IL1RAPL2: variants seen among roughly 807,000 people sequenced by gnomAD.
The protein encoded by IL1RAPL2 is X-linked interleukin-1 receptor accessory protein-like 2.
Under a neutral mutation model 44.1 loss-of-function variants are expected in IL1RAPL2, and 3 were observed. The ratio of observed to expected loss-of-function variants is 0.07; its 90% CI spans 0.03 to 0.18. The LOEUF is 0.18. Ranked by LOEUF, IL1RAPL2 falls within the 10% of genes least tolerant of loss-of-function variation. IL1RAPL2 has a pLI of 1.00. For missense variants in IL1RAPL2, 391 were observed against 496.4 expected, an observed-to-expected ratio of 0.79 and a Z score of 2.02; for synonymous variants, 181 against 178.8, an observed-to-expected ratio of 1.01 and a Z score of -0.10.
At chrX:105,365,666 T>C (rs977982983) in intron 5 of IL1RAPL2, among the ~76,000 whole-genome samples, 2 of 111,864 alleles carry the variant, frequency 1.8e-5, no homozygotes, top group African/African-American at 6.5e-5. Context: ...TCTTTTTAGG[T>C]TATCTAATTT....
chrX:105,232,385 T>G (rs2034078848), intron 3 of IL1RAPL2, among the ~76,000 whole-genome samples: 1 of 112,368 alleles, frequency 8.9e-6, no homozygotes, highest in Admixed American at 9.4e-5. Flanking sequence ...TAATCCCATC[T>G]GTTAGGATTG....
At chrX:104,575,276 GAACA>G (rs555592350) in intron 1 of IL1RAPL2, among the ~76,000 whole-genome samples, 26 of 110,642 alleles carry the variant, frequency 2.3e-4, no homozygotes, top group African/African-American at 3.9e-4. Flanking sequence ...AGATAAATTG[GAACA>G]AACAAACAAT....
chrX:105,008,145 G>A (rs1602885701), intron 2 of IL1RAPL2, among the ~76,000 whole-genome samples: 1 of 111,038 alleles, frequency 9.0e-6, no homozygotes, highest in South Asian at 3.8e-4. Flanking sequence ...GGCATCTAGT[G>A]AGGATCATCC....
intron 2 of IL1RAPL2, among the ~76,000 whole-genome samples, chrX:104,698,072 C>T (rs989372590): frequency 8.9e-6 from 1 of 112,342 alleles, no homozygotes; most frequent in Non-Finnish European, 1.9e-5. Flanking sequence ...ACTGTGGGCA[C>T]CAGTTCCTTG....
chrX:105,463,956 A>G (rs1923050040), intron 5 of IL1RAPL2, among the ~76,000 whole-genome samples: 1 of 112,041 alleles, frequency 8.9e-6, no homozygotes, highest in South Asian at 3.7e-4. Flanking sequence ...TTTTGCCAAA[A>G]CTTGTTTACA....
At chrX:105,082,693 A>G (rs979268632) in intron 2 of IL1RAPL2, among the ~76,000 whole-genome samples, 1 of 111,822 alleles carries the variant, frequency 8.9e-6, no homozygotes, top group African/African-American at 3.3e-5. Flanking sequence ...ACTGCAGCAG[A>G]CCTGCAGCAG....
intron 5 of IL1RAPL2, among the ~76,000 whole-genome samples, chrX:105,419,588 C>T (rs925386548): frequency 9.0e-5 from 10 of 111,731 alleles, no homozygotes; most frequent in African/African-American, 2.6e-4. Context: ...CAAACACATC[C>T]GCATGAGAAG....
At chrX:105,437,025 G>GTATATATATATA (rs71694806) in intron 5 of IL1RAPL2, among the ~76,000 whole-genome samples, 11 of 91,085 alleles carry the variant, frequency 1.2e-4, no homozygotes, top group African/African-American at 4.3e-4. Flanking sequence ...AAATATAAAC[G>GTATATATATATA]TATATATATA....
At chrX:105,231,895 A>C (rs1031617942) in intron 3 of IL1RAPL2, among the ~76,000 whole-genome samples, 1 of 112,281 alleles carries the variant, frequency 8.9e-6, no homozygotes, top group Non-Finnish European at 1.9e-5. Flanking sequence ...ATTGAGCTAA[A>C]TTGATTTACC....
intron 6 of IL1RAPL2, among the ~76,000 whole-genome samples, chrX:105,602,629 A>C (rs1401853833): frequency 9.0e-6 from 1 of 110,706 alleles, no homozygotes; most frequent in Non-Finnish European, 1.9e-5. Context: ...TCTTCTAAGC[A>C]CTTTATACTC....
intron 1 of IL1RAPL2, among the ~76,000 whole-genome samples, chrX:104,645,463 C>T (rs764366474): frequency 9.0e-6 from 1 of 111,720 alleles, no homozygotes; most frequent in Non-Finnish European, 1.9e-5. Context: ...ATTCCATGCC[C>T]TCTCAGCTCC....
intron 1 of IL1RAPL2, among the ~76,000 whole-genome samples, chrX:104,568,073 C>G (rs1217091206): frequency 1.8e-5 from 2 of 111,544 alleles, no homozygotes; most frequent in African/African-American, 6.5e-5. Flanking sequence ...GAAAGCTACT[C>G]TAGAGCCTAT....
chrX:105,678,112 TA>T (rs1287430635), intron 6 of IL1RAPL2, among the ~76,000 whole-genome samples: 1 of 111,483 alleles, frequency 9.0e-6, no homozygotes, highest in African/African-American at 3.3e-5. Context: ...AGGTGAATAA[TA>T]AAAAAAGAGA....
chrX:105,489,317 A>C (rs1345975859), intron 6 of IL1RAPL2, among the ~76,000 whole-genome samples: 1 of 111,957 alleles, frequency 8.9e-6, no homozygotes, highest in African/African-American at 3.2e-5. Flanking sequence ...GCAGTTGAAA[A>C]AAAAATATTT....
chrX:104,674,565 T>A (rs752977093), intron 2 of IL1RAPL2, among the ~76,000 whole-genome samples: 1 of 111,621 alleles, frequency 9.0e-6, no homozygotes, highest in Non-Finnish European at 1.9e-5. Flanking sequence ...TCTCTTTTTT[T>A]ATTGTGTCTC....
chrX:104,670,412 G>T (rs1179464934), intron 2 of IL1RAPL2, among the ~76,000 whole-genome samples: 3 of 111,072 alleles, frequency 2.7e-5, no homozygotes, highest in African/African-American at 9.8e-5. Context: ...TGATTGGATG[G>T]TGCCCACCCA....
chrX:105,351,460 A>G (rs1046581063), intron 5 of IL1RAPL2, among the ~76,000 whole-genome samples: 15 of 111,684 alleles, frequency 1.3e-4, no homozygotes, highest in African/African-American at 4.2e-4. Context: ...GTATAAAAGG[A>G]TGAGTTCATG....
intron 3 of IL1RAPL2, chrX:105,218,873 C>A: frequency 2.4e-6 from 2 of 824,893 alleles, no homozygotes; most frequent in South Asian, 2.4e-5. Context: ...CTTCCCCTAC[C>A]ACCCCGGCCC....
chrX:105,353,758 C>T (rs1003829467), intron 5 of IL1RAPL2, among the ~76,000 whole-genome samples: 17 of 111,371 alleles, frequency 1.5e-4, no homozygotes, highest in African/African-American at 5.5e-4. Context: ...TATAAGAATG[C>T]TTGTGATTTT....
Sources: gnomAD v4.1 joint callset for allele counts (sites outside exome capture counted in the v4.1 genomes callset) on GRCh38, gnomAD v4.1.1 for gene constraint, MANE v1.5 for transcripts, NCBI Gene and HGNC (gene_info 2026-07-23, HGNC 2026-07-21) for gene names.